The following SNTB2 variants were observed in gnomAD, a reference collection of about 807,000 sequenced individuals.
The protein encoded by SNTB2 is syntrophin beta 2.
A neutral mutation model predicts 46.2 loss-of-function variants in SNTB2; 34 were observed. That is an observed-to-expected ratio of 0.74 (90% CI 0.56 to 0.98). The LOEUF is 0.98. Ranked by LOEUF, SNTB2 falls within the 50% of genes least tolerant of loss-of-function variation. SNTB2 has a pLI of 0.00. For synonymous variants in SNTB2, 290 were observed against 312.6 expected, an observed-to-expected ratio of 0.93 and a Z score of 0.76; for missense variants, 603 against 731.4, an observed-to-expected ratio of 0.82 and a Z score of 2.02.
chr16:69,198,012 A>G (rs1964120972), intron 1 of SNTB2, among the ~76,000 whole-genome samples: 1 of 152,230 alleles, frequency 6.6e-6, no homozygotes, highest in Admixed American at 6.5e-5. Flanking sequence ...ACAGCAATGA[A>G]AGACTAAAGT....
In SNTB2 at chr16:69,308,451, A is replaced by G. The variant is rs566579364; in HGVS notation, c.*7527A>G. 2 of 152,384 alleles carry G rather than the reference A, an allele frequency of 1.3e-5. No homozygotes were observed. The highest frequency in any genetic ancestry group is 2.4e-5 in the African/African-American group (1 of 41,582). The allele number at this position is 152,384 out of a possible 1,614,324, so 9.4% of individuals were successfully genotyped here. ...CAAGTTTCAGAATTTTCCCTCCACT[A>G]TACGACTCCAGTATTATGTTTACAA... On this transcript the variant is annotated 3_prime_UTR_variant, in exon 7 of 7. Coordinates refer to ENST00000336278, the MANE Select transcript of SNTB2 (RefSeq NM_006750.4).
intron 5 of SNTB2, among the ~76,000 whole-genome samples, chr16:69,299,228 C>T (rs766596500): frequency 1.1e-4 from 16 of 151,460 alleles, no homozygotes; most frequent in South Asian, 2.1e-4. Context: ...CTGCAACGTC[C>T]GCCTCCCGGG....
intron 1 of SNTB2, among the ~76,000 whole-genome samples, chr16:69,227,603 G>A (rs999013678): frequency 3.9e-5 from 6 of 152,204 alleles, no homozygotes; most frequent in African/African-American, 1.2e-4. Flanking sequence ...AATAAACTCT[G>A]TAGAAGTGAT....
At chr16:69,281,018 C>T (rs1356150199) in intron 4 of SNTB2, among the ~76,000 whole-genome samples, 1 of 152,078 alleles carries the variant, frequency 6.6e-6, no homozygotes. Context: ...AGGATGGTCT[C>T]GATCTCCTGA....
chr16:69,243,405 C>A (rs185727139), intron 1 of SNTB2, among the ~76,000 whole-genome samples: 53 of 152,282 alleles, frequency 3.5e-4, no homozygotes, highest in Admixed American at 3.1e-3. Context: ...AGATAAAATT[C>A]ATTGCTCTTT....
intron 2 of SNTB2, among the ~76,000 whole-genome samples, chr16:69,247,543 G>A (rs1197823814): frequency 1.3e-5 from 2 of 152,116 alleles, no homozygotes; most frequent in African/African-American, 2.4e-5. Flanking sequence ...CTCCTTGGGT[G>A]TTTAAGGCTT....
intron 1 of SNTB2, among the ~76,000 whole-genome samples, chr16:69,194,751 C>A (rs1321171226): frequency 6.6e-6 from 1 of 152,080 alleles, no homozygotes; most frequent in Admixed American, 6.6e-5. Context: ...GGGCAATTTT[C>A]CTAGAACCAC....
intron 1 of SNTB2, among the ~76,000 whole-genome samples, chr16:69,214,636 C>T (rs959638482): frequency 4.0e-5 from 6 of 151,850 alleles, no homozygotes; most frequent in African/African-American, 7.3e-5. Flanking sequence ...AAGTGATTCT[C>T]CTGCCTCAGC....
intron 5 of SNTB2, among the ~76,000 whole-genome samples, chr16:69,284,840 G>C (rs764721073): frequency 6.6e-6 from 1 of 151,988 alleles, no homozygotes; most frequent in Non-Finnish European, 1.5e-5. Flanking sequence ...CCAGCTACTC[G>C]GGAGACTGAG....
chr16:69,293,762 T>C (rs1965197143), intron 5 of SNTB2, among the ~76,000 whole-genome samples: 2 of 152,310 alleles, frequency 1.3e-5, no homozygotes, highest in Admixed American at 1.3e-4. Flanking sequence ...GTAATCAATC[T>C]TTTACAATTT....
chr16:69,209,814 C>G (rs113230246), intron 1 of SNTB2, among the ~76,000 whole-genome samples: 16 of 152,114 alleles, frequency 1.1e-4, no homozygotes, highest in African/African-American at 3.4e-4. Flanking sequence ...TACAAAGATA[C>G]CTTTTTCTTA....
chr16:69,273,562 C>T (rs1439092697), intron 4 of SNTB2, among the ~76,000 whole-genome samples: 2 of 152,062 alleles, frequency 1.3e-5, no homozygotes, highest in African/African-American at 4.8e-5. Flanking sequence ...TTAGTGGTTG[C>T]CGGCGGGGGA....
rs536929500 is a variant in SNTB2, at chr16:69,251,852, G to A, written c.794+6037G>A. Reference sequence around the variant, plus strand: ...TGTAATTCCAGTACTTTGGGAGGTCGAGGCGGGTGGATCACCTGAGGTCAG... The same window carrying A: ...TGTAATTCCAGTACTTTGGGAGGTCAAGGCGGGTGGATCACCTGAGGTCAG... On this transcript the variant is annotated intron_variant, in intron 2 of 6. Coordinates refer to ENST00000336278, the MANE Select transcript of SNTB2 (RefSeq NM_006750.4). Among the ~76,000 whole-genome samples the A allele has an allele frequency of 2.4e-4, 36 of 152,264 alleles. No homozygotes were observed. In the East Asian group the frequency reaches 2.7e-3, roughly 11 times the overall value.
chr16:69,254,504 G>A (rs1964754611), intron 2 of SNTB2, among the ~76,000 whole-genome samples: 1 of 152,068 alleles, frequency 6.6e-6, no homozygotes, highest in Admixed American at 6.6e-5. Context: ...TAAGTTTGGT[G>A]GTGACTTCTT....
In SNTB2 at chr16:69,270,060, T is replaced by C. The variant is rs1964923445; in HGVS notation, c.1006-83T>C. ...GTTGGGAAAACAAAATGGAGACCCATTGTGTTAGGCCATCATTGAAGGAAC... is the reference window on the plus strand; with the variant it reads ...GTTGGGAAAACAAAATGGAGACCCACTGTGTTAGGCCATCATTGAAGGAAC... On this transcript the variant is annotated intron_variant, in intron 3 of 6. Transcript: ENST00000336278. 4 of 1,504,396 alleles carry C rather than the reference T, an allele frequency of 2.7e-6. No individual in the cohort carries two copies. In the Admixed American group the frequency reaches 5.1e-5, roughly 19 times the overall value. The allele number at this position is 1,504,396 out of a possible 1,614,324, so 93.2% of individuals were successfully genotyped here.
chr16:69,215,662 T>C (rs1321105664), intron 1 of SNTB2, among the ~76,000 whole-genome samples: 1 of 152,168 alleles, frequency 6.6e-6, no homozygotes. Context: ...TTTATGATGT[T>C]AGTGTGACAG....
intron 5 of SNTB2, among the ~76,000 whole-genome samples, chr16:69,287,360 A>G (rs903654113): frequency 2.6e-5 from 4 of 152,150 alleles, no homozygotes; most frequent in African/African-American, 9.7e-5. Context: ...ACTTGAGGTC[A>G]GGAGTTCCAA....
chr16:69,292,371 T>TA (rs1475614400), intron 5 of SNTB2, among the ~76,000 whole-genome samples: 2 of 43,984 alleles, frequency 4.5e-5, no homozygotes, highest in African/African-American at 8.9e-5. Flanking sequence ...TATATATATA[T>TA]ATATATATTA....
At chr16:69,293,933 A>G (rs927827899) in intron 5 of SNTB2, among the ~76,000 whole-genome samples, 41 of 152,338 alleles carry the variant, frequency 2.7e-4, no homozygotes, top group African/African-American at 9.9e-4. Flanking sequence ...AATTTGGGCC[A>G]TAGACATCCC....
Sources: gnomAD v4.1 joint callset for allele counts (sites outside exome capture counted in the v4.1 genomes callset) on GRCh38, gnomAD v4.1.1 for gene constraint, MANE v1.5 for transcripts, NCBI Gene and HGNC (gene_info 2026-07-23, HGNC 2026-07-21) for gene names.